The following TAFA2 variants were observed in gnomAD, a reference collection of about 807,000 sequenced individuals.
TAFA2 encodes the protein chemokine-like protein TAFA-2.
TAFA2 carries 7 observed loss-of-function variants against 18.8 expected under a neutral mutation model. That is an observed-to-expected ratio of 0.37 (90% CI 0.21 to 0.70). TAFA2 has a LOEUF of 0.70. Among genes scored for constraint, TAFA2 ranks in the 30% least tolerant of loss-of-function variants. TAFA2 has a pLI of 0.53. For synonymous variants in TAFA2, 60 were observed against 54.2 expected, an observed-to-expected ratio of 1.11 and a Z score of -0.47; for missense variants, 122 against 158.1, an observed-to-expected ratio of 0.77 and a Z score of 1.23.
At chr12:61,964,145 C>T (rs1302695674) in intron 1 of TAFA2, among the ~76,000 whole-genome samples, 1 of 151,938 alleles carries the variant, frequency 6.6e-6, no homozygotes, top group East Asian at 1.9e-4. Flanking sequence ...TAGGCAATAC[C>T]ATTCAGGACA....
intron 2 of TAFA2, among the ~76,000 whole-genome samples, chr12:61,837,258 T>C (rs556640279): frequency 6.4e-4 from 98 of 152,064 alleles, no homozygotes; most frequent in Non-Finnish European, 1.2e-3. Context: ...TTTCTTTTCT[T>C]TTATGCTCTT....
intron 1 of TAFA2, among the ~76,000 whole-genome samples, chr12:62,172,897 T>TTTA (rs2062487811): frequency 6.6e-6 from 1 of 152,248 alleles, no homozygotes; most frequent in East Asian, 1.9e-4. Flanking sequence ...ATTTAGTCAC[T>TTTA]GAATAAGCTC....
At chr12:61,854,618 A>G (rs1873810286) in intron 2 of TAFA2, among the ~76,000 whole-genome samples, 1 of 152,074 alleles carries the variant, frequency 6.6e-6, no homozygotes, top group South Asian at 2.1e-4. Context: ...AAGGATAAAG[A>G]TTATAAATAA....
intron 2 of TAFA2, among the ~76,000 whole-genome samples, chr12:61,838,896 T>G (rs1873050065): frequency 6.6e-6 from 1 of 152,074 alleles, no homozygotes; most frequent in African/African-American, 2.4e-5. Flanking sequence ...GGCATCTAAT[T>G]GGTTGAAACC....
At chr12:62,102,935 A>G (rs1254024126) in intron 1 of TAFA2, among the ~76,000 whole-genome samples, 1 of 152,142 alleles carries the variant, frequency 6.6e-6, no homozygotes, top group Non-Finnish European at 1.5e-5. Context: ...GTCTCTCCAA[A>G]GAGGAGAGAA....
intron 1 of TAFA2, among the ~76,000 whole-genome samples, chr12:61,900,438 C>A (rs915445599): frequency 6.6e-6 from 1 of 152,144 alleles, no homozygotes; most frequent in Non-Finnish European, 1.5e-5. Context: ...CTAATAAAGG[C>A]ATACCCAAGA....
At chr12:61,718,949 TC>T (rs973802003) in intron 4 of TAFA2, among the ~76,000 whole-genome samples, 1 of 152,206 alleles carries the variant, frequency 6.6e-6, no homozygotes, top group African/African-American at 2.4e-5. Flanking sequence ...AAATTCCTTT[TC>T]GCAGCCTAGA....
intron 1 of TAFA2, among the ~76,000 whole-genome samples, chr12:62,010,130 C>G (rs1297356099): frequency 6.6e-6 from 1 of 151,938 alleles, no homozygotes; most frequent in Admixed American, 6.5e-5. Flanking sequence ...TAATTTGAAA[C>G]TGTAGTCCCT....
At chr12:61,924,281 T>A (rs2121373313) in intron 1 of TAFA2, among the ~76,000 whole-genome samples, 1 of 152,186 alleles carries the variant, frequency 6.6e-6, no homozygotes, top group South Asian at 2.1e-4. Flanking sequence ...CCAAGACACG[T>A]AATCGTCAGA....
chr12:62,113,803 C>G (rs905482212), intron 1 of TAFA2, among the ~76,000 whole-genome samples: 1 of 152,158 alleles, frequency 6.6e-6, no homozygotes, highest in Non-Finnish European at 1.5e-5. Context: ...GAGGGAAAAA[C>G]CACCTACTCA....
chr12:62,002,158 T>A (rs2136701897), intron 1 of TAFA2, among the ~76,000 whole-genome samples: 1 of 152,320 alleles, frequency 6.6e-6, no homozygotes, highest in Middle Eastern at 3.4e-3. Flanking sequence ...GGCTTATGTT[T>A]CACTGCGTTT....
chr12:62,088,925 T>TGC lies in TAFA2; in HGVS notation c.-2+102333_-2+102334insGC, dbSNP rs1565740771. 7.9e-5 allele frequency among the ~76,000 whole-genome samples: 12 copies of TGC among 152,068 alleles called. No individual in the cohort carries two copies. The East Asian group carries it at 9.7e-4, about 12-fold the overall frequency. On this transcript the variant is annotated intron_variant, in intron 1 of 4. Transcript: ENST00000416284. The stretch of plus-strand genomic sequence containing the variant: ...CTCTCTATCTCTGTGTGTGTGTGTG[T>TGC]GTGCACGCGCGCGCACGCATCTGTC...
intron 1 of TAFA2, among the ~76,000 whole-genome samples, chr12:61,869,316 A>G (rs1268885712): frequency 6.6e-6 from 1 of 152,218 alleles, no homozygotes; most frequent in Non-Finnish European, 1.5e-5. Context: ...AGATAATAAT[A>G]TGTACCTAAC....
At chr12:62,175,233 G>C (rs1221007412) in intron 1 of TAFA2, among the ~76,000 whole-genome samples, 1 of 152,082 alleles carries the variant, frequency 6.6e-6, no homozygotes, top group Non-Finnish European at 1.5e-5. Flanking sequence ...AGCTGACAAA[G>C]ATTACATGCA....
intron 1 of TAFA2, among the ~76,000 whole-genome samples, chr12:62,118,044 G>A (rs769787312): frequency 6.6e-6 from 1 of 152,028 alleles, no homozygotes; most frequent in Non-Finnish European, 1.5e-5. Context: ...TTGGGGCTCT[G>A]ATTGCAACCC....
intron 1 of TAFA2, among the ~76,000 whole-genome samples, chr12:62,163,425 G>A (rs1392405918): frequency 6.6e-6 from 1 of 151,946 alleles, no homozygotes; most frequent in Admixed American, 6.6e-5. Flanking sequence ...AGCAGTTTGG[G>A]GTGTTGTACT....
chr12:61,802,903 GA>G (rs1871457207), intron 2 of TAFA2, among the ~76,000 whole-genome samples: 1 of 151,844 alleles, frequency 6.6e-6, no homozygotes, highest in Non-Finnish European at 1.5e-5. Context: ...AAATTACTTA[GA>G]AAAAAAGGAA....
intron 1 of TAFA2, among the ~76,000 whole-genome samples, chr12:62,226,577 A>C (rs1199413007): frequency 4.6e-5 from 7 of 152,104 alleles, no homozygotes; most frequent in Non-Finnish European, 8.8e-5. Context: ...CAAATCTTTA[A>C]TACTGATACC....
At chr12:62,255,448 G>A (rs1354883704) in intron 1 of TAFA2, 2 of 152,074 alleles carry the variant, frequency 1.3e-5, no homozygotes, top group Admixed American at 6.5e-5. Flanking sequence ...TACCATACAC[G>A]TACATTTAAT....
Sources: allele counts gnomAD v4.1 joint callset (sites outside exome capture counted in the v4.1 genomes callset), GRCh38; gene constraint gnomAD v4.1.1; transcripts MANE v1.5; gene names NCBI Gene and HGNC (gene_info 2026-07-23, HGNC 2026-07-21).